RRN3: variants seen among roughly 807,000 people sequenced by gnomAD.
RRN3 encodes the protein RNA polymerase I-specific transcription initiation factor RRN3.
In RRN3, 38 loss-of-function variants were observed where a neutral mutation model predicts 82.3. That is an observed-to-expected ratio of 0.46 (90% CI 0.36 to 0.61). The LOEUF (loss-of-function observed/expected upper bound fraction) is 0.61. Ranked by LOEUF, RRN3 falls within the 20% of genes least tolerant of loss-of-function variation. The pLI, the probability that RRN3 is intolerant of heterozygous loss-of-function variation, is 0.00. For missense variants in RRN3, 726 were observed against 793.1 expected, an observed-to-expected ratio of 0.92 and a Z score of 1.02; for synonymous variants, 284 against 284.3, an observed-to-expected ratio of 1.00 and a Z score of 0.01.
At chr16:15,090,957 TAG>T (rs2046109865) in intron 3 of RRN3, among the ~76,000 whole-genome samples, 2 of 149,344 alleles carry the variant, frequency 1.3e-5, no homozygotes, top group Admixed American at 1.4e-4. Flanking sequence ...AGTAATCTAA[TAG>T]AAAGGAAGCA....
At chr16:15,090,982 T>C (rs2046111096) in intron 3 of RRN3, among the ~76,000 whole-genome samples, 3 of 152,022 alleles carry the variant, frequency 2.0e-5, no homozygotes, top group Admixed American at 1.3e-4. Context: ...AGAGCAGGGT[T>C]TCCCAGCCTC....
At chr16:15,090,636 T>G in intron 3 of RRN3, among the ~76,000 whole-genome samples, 1 of 152,192 alleles carries the variant, frequency 6.6e-6, no homozygotes, top group Admixed American at 6.5e-5. Flanking sequence ...TCTCTATTGT[T>G]TTCTTGGTTT....
Position 15,076,978 on chromosome 16 carries a change from CACTT to C in RRN3, c.766-332_766-329del, listed in dbSNP as rs1173120989. Among the ~76,000 whole-genome samples the C allele has an allele frequency of 8.7e-5, 7 of 80,010 alleles. No individual in the cohort carries two copies. In the Admixed American group the frequency reaches 1.1e-3, roughly 13 times the overall value. The allele number at this position is 80,010 out of a possible 152,430, so 52.5% of individuals were successfully genotyped here. Reference sequence around the variant, plus strand: ...TCTGGCTCTGTGTCCCCACCCAAATCACTTTTTTTTTTTTTTTTGAGGCAGAGTT... The same window carrying C: ...TCTGGCTCTGTGTCCCCACCCAAATCTTTTTTTTTTTTTTGAGGCAGAGTT... On this transcript the variant is annotated intron_variant, in intron 9 of 17. Transcript: ENST00000198767.
intron 9 of RRN3, 83 bp downstream of exon 9, chr16:15,079,915 C>T (rs2045626768): frequency 2.9e-6 from 4 of 1,378,624 alleles, no homozygotes; most frequent in Non-Finnish European, 3.9e-6. Flanking sequence ...TCTTTTCTAT[C>T]ACTGACTATT....
rs752891180 is a variant in RRN3 at position 15,094,141 on chromosome 16, T to C, written c.89+4A>G. The C allele has an allele frequency of 2.5e-6, 4 of 1,593,728 alleles. No individual in the cohort carries two copies. The highest frequency in any genetic ancestry group is 1.8e-5 in the Admixed American group (1 of 56,980). On this transcript the variant is annotated splice_donor_region_variant and intron_variant, in intron 1 of 17. Transcript: ENST00000198767. Reference sequence around the variant, plus strand: ...TACGCAGAAGGAAGCGGCCTGAATCTTACCCAGTCCTCGACGCGCCCAGCT... The same window carrying C: ...TACGCAGAAGGAAGCGGCCTGAATCCTACCCAGTCCTCGACGCGCCCAGCT...
intron 10 of RRN3, among the ~76,000 whole-genome samples, chr16:15,075,837 C>T (rs574890385): frequency 6.6e-6 from 1 of 152,242 alleles, no homozygotes; most frequent in African/African-American, 2.4e-5. Flanking sequence ...TATCCACCTC[C>T]CCACTGCTGT....
At chr16:15,074,696 C>A in intron 11 of RRN3, 27 bp downstream of exon 11, 1 of 1,586,046 alleles carries the variant, frequency 6.3e-7, no homozygotes, top group Non-Finnish European at 8.6e-7. Flanking sequence ...TGCAGGTGTT[C>A]AATAAACAGT....
At chr16:15,078,688 T>A (rs1237790148) in intron 9 of RRN3, among the ~76,000 whole-genome samples, 2 of 152,066 alleles carry the variant, frequency 1.3e-5, no homozygotes, top group African/African-American at 4.8e-5. Flanking sequence ...TCCAAAGGTT[T>A]ATGCTCAGGT....
At position 15,086,524 on chromosome 16, in the gene RRN3, A is replaced by T; in HGVS notation, c.253-70T>A. 1.9e-6 allele frequency: 3 copies of T among 1,589,432 alleles called. No individual in the cohort carries two copies. The South Asian group carries it at 3.4e-5, about 18-fold the overall frequency. On this transcript the variant is annotated intron_variant, in intron 3 of 17. Coordinates refer to ENST00000198767, the MANE Select transcript of RRN3 (RefSeq NM_018427.5). ...CATAACAGAAATTTACAGCTATCTTATATCAATCATTTATCAAGAATAGGT... is the reference window on the plus strand; with the variant it reads ...CATAACAGAAATTTACAGCTATCTTTTATCAATCATTTATCAAGAATAGGT...
At position 15,060,157 on chromosome 16, in the gene RRN3, G is replaced by A. The variant is rs1033304947; in HGVS notation, c.*1587C>T. 14 of 418,580 alleles carry A rather than the reference G, an allele frequency of 3.3e-5. No homozygotes were observed. Among genetic ancestry groups the A allele is most frequent in the Non-Finnish European group, 6.1e-5 (13 of 211,828 alleles). 25.9% of individuals were successfully genotyped at this position (418,580 alleles called of 1,614,324 possible). ...AAATTAAACAGACTTATATGTAAAT[G>A]TCTTTCTACATTAAAACTACTTCCC... is the stretch of plus-strand genomic sequence containing the variant. On this transcript the variant is annotated 3_prime_UTR_variant, in exon 18 of 18. Coordinates refer to ENST00000198767, the MANE Select transcript of RRN3 (RefSeq NM_018427.5).
At chr16:15,072,920 T>A in intron 12 of RRN3, 30 bp downstream of exon 12, 2 of 1,608,018 alleles carry the variant, frequency 1.2e-6, no homozygotes, top group Admixed American at 3.4e-5. Context: ...CAAAGTAAGC[T>A]AAGATAATGT....
At chr16:15,088,002 T>C (rs1347533898) in intron 3 of RRN3, among the ~76,000 whole-genome samples, 1 of 151,970 alleles carries the variant, frequency 6.6e-6, no homozygotes, top group African/African-American at 2.4e-5. Flanking sequence ...TAATCCCAGC[T>C]ACTCGGGAGG....
intron 11 of RRN3, among the ~76,000 whole-genome samples, chr16:15,073,369 A>G (rs545355687): frequency 6.6e-6 from 1 of 152,272 alleles, no homozygotes; most frequent in South Asian, 2.1e-4. Context: ...AGGCGGATGA[A>G]CCGCTTGAGC....
At chr16:15,066,161 G>A (rs896030210) in intron 15 of RRN3, among the ~76,000 whole-genome samples, 1 of 152,140 alleles carries the variant, frequency 6.6e-6, no homozygotes, top group African/African-American at 2.4e-5. Context: ...AAGGCTCACA[G>A]CACTTGACCC....
In RRN3 at chr16:15,085,626, T is replaced by A. The variant is rs746913772; in HGVS notation, c.532+13A>T. ...AGCTACTGTGCCCAGGCTTTAAACC[T>A]TTTTATACTTACTATCATCTTCATC... On this transcript the variant is annotated intron_variant, in intron 6 of 17. Transcript: ENST00000198767. The A allele has an allele frequency of 5.0e-6, 8 of 1,611,294 alleles. No homozygotes were observed. The East Asian group carries it at 1.6e-4, about 31-fold the overall frequency.
chr16:15,066,967 C>A (rs1430784334), intron 15 of RRN3, among the ~76,000 whole-genome samples: 1 of 151,802 alleles, frequency 6.6e-6, no homozygotes, highest in Non-Finnish European at 1.5e-5. Flanking sequence ...CTGTCCCCAC[C>A]CCGAGAACAT....
At chr16:15,091,004 C>G (rs2151826207) in intron 3 of RRN3, among the ~76,000 whole-genome samples, 1 of 151,718 alleles carries the variant, frequency 6.6e-6, no homozygotes, top group East Asian at 1.9e-4. Flanking sequence ...ACACTGTTGT[C>G]ATTTGGGGCT....
At chr16:15,086,640 G>C (rs1205337732) in intron 3 of RRN3, among the ~76,000 whole-genome samples, 186 bp from the exon 4 acceptor site, 1 of 152,168 alleles carries the variant, frequency 6.6e-6, no homozygotes, top group Non-Finnish European at 1.5e-5. Context: ...ACTGTTTTAA[G>C]AAAGTAATCT....
intron 3 of RRN3, among the ~76,000 whole-genome samples, 168 bp downstream of exon 3, chr16:15,091,147 A>C (rs1222882810): frequency 3.3e-5 from 5 of 152,024 alleles, no homozygotes; most frequent in Non-Finnish European, 5.9e-5. Flanking sequence ...GCCATCACCA[A>C]ATGTCTTCTA....
Sources: allele counts gnomAD v4.1 joint callset (sites outside exome capture counted in the v4.1 genomes callset), GRCh38; gene constraint gnomAD v4.1.1; transcripts MANE v1.5; gene names NCBI Gene and HGNC (gene_info 2026-07-23, HGNC 2026-07-21).